CALCOCO2: variants seen among roughly 807,000 people sequenced by gnomAD.
The protein encoded by CALCOCO2 is calcium-binding and coiled-coil domain-containing protein 2.
In CALCOCO2, 42 loss-of-function variants were observed where a neutral mutation model predicts 62.5. That is an observed-to-expected ratio of 0.67 (90% CI 0.53 to 0.87). The LOEUF is 0.87. Ranked by LOEUF, CALCOCO2 falls within the 40% of genes least tolerant of loss-of-function variation. CALCOCO2 has a pLI of 0.00. For synonymous variants in CALCOCO2, 167 were observed against 173.0 expected (o/e 0.97, Z 0.27); for missense variants, 456 against 515.0 (o/e 0.89, Z 1.11).
At chr17:48,857,840 G>A (rs2040242518) in intron 10 of CALCOCO2, among the ~76,000 whole-genome samples, 1 of 149,558 alleles carries the variant, frequency 6.7e-6, no homozygotes, top group Non-Finnish European at 1.5e-5. Flanking sequence ...TAGCGAGCTT[G>A]GTGGCAGGCG....
At chr17:48,853,805 G>A (rs2040165900) in intron 9 of CALCOCO2, among the ~76,000 whole-genome samples, 1 of 152,192 alleles carries the variant, frequency 6.6e-6, no homozygotes, top group African/African-American at 2.4e-5. Context: ...CTTCCTTTGG[G>A]AAATGAAGGG....
intron 2 of CALCOCO2, chr17:48,846,046 C>T (rs985320418): frequency 6.8e-7 from 1 of 1,467,326 alleles, no homozygotes; most frequent in Non-Finnish European, 9.2e-7. Context: ...TAGTCTTAAT[C>T]AGACTATTCA....
chr17:48,862,296 C>T lies in CALCOCO2; in HGVS notation c.1165C>T (p.Pro389Ser). ...TTCAGGTATCCAAGAAAGTTCTTCC[C>T]CCAGCCCGGTAAGTATTTGATTCAT... ...PYSGIQESSS[P>S]SPLSIKKCPI... is the part of the protein sequence containing the mutation. Residue 389 changes from proline to serine, a missense_variant, in exon 12 of 13, where the codon CCC becomes TCC. Coordinates refer to ENST00000258947, the MANE Select transcript of CALCOCO2 (RefSeq NM_005831.5). The T allele has an allele frequency of 6.3e-7, 1 of 1,584,634 alleles. No homozygotes were observed. Among genetic ancestry groups the T allele is most frequent in the Non-Finnish European group, 8.7e-7 (1 of 1,153,470 alleles).
At position 48,848,095 on chromosome 17, in the gene CALCOCO2, C is replaced by G. The variant is rs1416211895; in HGVS notation, c.212C>G (p.Thr71Ser). The change falls in exon 3 of 13, where the codon ACC becomes AGC. Residue 71 changes from threonine (T) to serine (S), a missense_variant. Thr to Ser is a moderately conservative substitution (Grantham distance 58). Transcript: ENST00000258947. ...VGWKTTREYYTFMWVTLPIDL... is the reference protein window; with the variant it reads ...VGWKTTREYYSFMWVTLPIDL... Reference sequence around the variant, plus strand: ...TGGAAGACAACCCGTGAGTATTACACCTTCATGTGGGTTACTTTGCCCATT... The same window carrying G: ...TGGAAGACAACCCGTGAGTATTACAGCTTCATGTGGGTTACTTTGCCCATT... 2 of 1,612,706 alleles carry G rather than the reference C, an allele frequency of 1.2e-6. No individual in the cohort carries two copies. Among genetic ancestry groups the G allele is most frequent in the Non-Finnish European group, 1.7e-6 (2 of 1,178,868 alleles).
intron 1 of CALCOCO2, among the ~76,000 whole-genome samples, chr17:48,837,847 G>C (rs963284004): frequency 6.6e-6 from 1 of 152,156 alleles, no homozygotes; most frequent in Non-Finnish European, 1.5e-5. Context: ...TGGTTGCTTA[G>C]ACTTCAAAGT....
At chr17:48,849,108 C>G (rs2143623303) in intron 4 of CALCOCO2, 144 bp from the exon 5 acceptor site, 1 of 704,250 alleles carries the variant, frequency 1.4e-6, no homozygotes, top group East Asian at 2.6e-5. Flanking sequence ...ATACCCTTAC[C>G]TAGGTATTAA....
Position 48,841,514 on chromosome 17 carries a change from A to G in CALCOCO2, c.-10-184A>G, listed in dbSNP as rs2039973940. 7 of 473,736 alleles carry G rather than the reference A, an allele frequency of 1.5e-5. No individual in the cohort carries two copies. The South Asian group carries it at 2.2e-4, about 15-fold the overall frequency. The allele number at this position is 473,736 out of a possible 1,614,324, so 29.3% of individuals were successfully genotyped here. On this transcript the variant is annotated intron_variant, in intron 1 of 12. Coordinates refer to ENST00000258947, the MANE Select transcript of CALCOCO2 (RefSeq NM_005831.5). Reference sequence around the variant, plus strand: ...TATTGTCAGAAAATTCTCGTAGCATAGGAAGTTGTGACTGAGATGGCTCGA... The same window carrying G: ...TATTGTCAGAAAATTCTCGTAGCATGGGAAGTTGTGACTGAGATGGCTCGA...
chr17:48,858,057 A>AATAGAATAGAATAGAATAGAATAGG (rs1567759599), intron 10 of CALCOCO2, among the ~76,000 whole-genome samples: 1 of 139,504 alleles, frequency 7.2e-6, no homozygotes, highest in African/African-American at 2.7e-5. Flanking sequence ...AATAGAATAG[A>AATAGAATAGAATAGAATAGAATAGG]ATAGAATAGA....
At position 48,858,046 on chromosome 17, in the gene CALCOCO2, A is replaced by ATAGAATAGAATAGAG; in HGVS notation, c.1008+1859_1008+1860insTAGAATAGAATAGAG. ...ATAGAATAGAATAGAATAGAATAGA[A>ATAGAATAGAATAGAG]AATAGAATAGAATAGAATAGAATAG... On this transcript the variant is annotated intron_variant, in intron 10 of 12. Transcript: ENST00000258947. Among the ~76,000 whole-genome samples the ATAGAATAGAATAGAG allele has an allele frequency of 6.7e-4, 27 of 40,048 alleles. 4 individuals are homozygous for ATAGAATAGAATAGAG. Among genetic ancestry groups the ATAGAATAGAATAGAG allele is most frequent in the Non-Finnish European group, 1.2e-3 (25 of 20,522 alleles). 26.3% of individuals were successfully genotyped at this position (40,048 alleles called of 152,430 possible). A position where few individuals can be genotyped will look rare whatever the true frequency, so the allele number is the denominator to read the frequency against.
intron 2 of CALCOCO2, among the ~76,000 whole-genome samples, chr17:48,843,417 T>C (rs1298268006): frequency 6.6e-6 from 1 of 152,226 alleles, no homozygotes; most frequent in African/African-American, 2.4e-5. Flanking sequence ...CATGTGCCTA[T>C]TTGCCAGTGC....
chr17:48,856,069 C>T (rs144063772), intron 9 of CALCOCO2, 23 bp from the exon 10 acceptor site: 3 of 1,338,596 alleles, frequency 2.2e-6, no homozygotes, highest in African/African-American at 2.9e-5. Flanking sequence ...GATCCTAATC[C>T]TAATTTTTTT....
chr17:48,840,114 T>A (rs2039956625), intron 1 of CALCOCO2, among the ~76,000 whole-genome samples: 1 of 152,058 alleles, frequency 6.6e-6, no homozygotes, highest in Non-Finnish European at 1.5e-5. Context: ...GTTTCCTATT[T>A]CGTTGTTGTT....
At chr17:48,851,244 A>G in intron 6 of CALCOCO2, 67 bp downstream of exon 6, 2 of 881,608 alleles carry the variant, frequency 2.3e-6, no homozygotes, top group Non-Finnish European at 3.8e-6. Context: ...AAGTACAGTC[A>G]GATTAGATTT....
chr17:48,846,270 G>A (rs1201003377), intron 2 of CALCOCO2, among the ~76,000 whole-genome samples: 8 of 151,988 alleles, frequency 5.3e-5, no homozygotes. Flanking sequence ...TGAGTAACTG[G>A]GATTATAGGC....
At position 48,863,562 on chromosome 17, in the gene CALCOCO2, C is replaced by T. The variant is rs113174988; in HGVS notation, c.*557C>T. 6.4e-6 allele frequency: 1 copy of T among 157,266 alleles called. No homozygotes were observed. Among genetic ancestry groups the T allele is most frequent in the African/African-American group, 2.4e-5 (1 of 41,456 alleles). 9.7% of individuals were successfully genotyped at this position (157,266 alleles called of 1,614,324 possible). A position where few individuals can be genotyped will look rare whatever the true frequency, so the allele number is the denominator to read the frequency against. On this transcript the variant is annotated 3_prime_UTR_variant, in exon 13 of 13. Coordinates refer to ENST00000258947, the MANE Select transcript of CALCOCO2 (RefSeq NM_005831.5). ...TTTCTCATGTTAATTTCTCAGCCCC[C>T]AAAGAAGCATCTTACTCCTGAACCT...
chr17:48,835,806 A>G (rs1359989728), intron 1 of CALCOCO2, among the ~76,000 whole-genome samples: 1 of 151,114 alleles, frequency 6.6e-6, no homozygotes, highest in Admixed American at 6.6e-5. Context: ...CTGGAGTGCA[A>G]TGGCATAATC....
At chr17:48,846,070 C>T in intron 2 of CALCOCO2, 3 of 1,475,246 alleles carry the variant, frequency 2.0e-6, no homozygotes, top group South Asian at 1.2e-5. Context: ...CCTCATCACC[C>T]CAGACACTGG....
intron 1 of CALCOCO2, among the ~76,000 whole-genome samples, chr17:48,832,408 C>T (rs1415919189): frequency 1.3e-5 from 2 of 152,122 alleles, no homozygotes; most frequent in East Asian, 3.8e-4. Flanking sequence ...AACAAACAAA[C>T]AAAAATTTAA....
At chr17:48,834,665 T>C (rs1214521314) in intron 1 of CALCOCO2, among the ~76,000 whole-genome samples, 2 of 152,236 alleles carry the variant, frequency 1.3e-5, no homozygotes, top group Non-Finnish European at 2.9e-5. Flanking sequence ...TTTACCTCTA[T>C]GAATTGCTGC....
Sources: gnomAD v4.1 joint callset for allele counts (sites outside exome capture counted in the v4.1 genomes callset) on GRCh38, gnomAD v4.1.1 for gene constraint, MANE v1.5 for transcripts, NCBI Gene and HGNC (gene_info 2026-07-23, HGNC 2026-07-21) for gene names.